SANBR: variants seen among roughly 807,000 people sequenced by gnomAD.
The protein encoded by SANBR is SANT and BTB domain regulator of CSR, also known as SANT and BTB domain regulator of class switch recombination.
A neutral mutation model predicts 101.8 loss-of-function variants in SANBR; 77 were observed. The ratio of observed to expected loss-of-function variants is 0.76; its 90% CI spans 0.63 to 0.91. SANBR has a LOEUF of 0.91. SANBR is among the 40% of genes least tolerant of loss of function. The probability of loss-of-function intolerance (pLI) is 0.00; values close to 1 mark genes in which losing one functional copy is unlikely to be tolerated. For synonymous variants in SANBR, 279 were observed against 274.7 expected (o/e 1.02, Z -0.15); for missense variants, 875 against 853.0 (o/e 1.03, Z -0.32).
At chr2:61,127,931 A>G (rs1330743580), downstream of SANBR, among the ~76,000 whole-genome samples, 3 of 152,304 alleles carry the variant, frequency 2.0e-5, no homozygotes, top group Non-Finnish European at 4.4e-5. Context: ...ACATTATAGT[A>G]AAAAATGTGC....
intron 12 of SANBR, among the ~76,000 whole-genome samples, chr2:61,098,749 T>C (rs1476835107): frequency 6.6e-6 from 1 of 152,232 alleles, no homozygotes; most frequent in African/African-American, 2.4e-5. Flanking sequence ...TAAAGCTCTT[T>C]ATCATCATCC....
chr2:61,075,124 C>T (rs1166542341), intron 5 of SANBR: 2 of 151,926 alleles, frequency 1.3e-5, no homozygotes, highest in African/African-American at 4.8e-5. Context: ...TTTTTTGTAT[C>T]AGGAATGTGT....
At chr2:61,071,943 G>T in intron 4 of SANBR, 151 bp downstream of exon 4, 1 of 580,676 alleles carries the variant, frequency 1.7e-6, no homozygotes, top group South Asian at 2.5e-5. Flanking sequence ...GAATTTTGTT[G>T]TTTTTTCTTT....
intron 20 of SANBR, among the ~76,000 whole-genome samples, chr2:61,118,566 G>GTTTTTTT (rs1175530888): frequency 1.0e-5 from 1 of 99,544 alleles, no homozygotes; most frequent in Non-Finnish European, 2.0e-5. Context: ...TTTTTTGTTG[G>GTTTTTTT]TTTTTTTTTT....
At chr2:61,088,868 A>C (rs1356220182) in intron 10 of SANBR, 2 of 962,386 alleles carry the variant, frequency 2.1e-6, no homozygotes, top group Non-Finnish European at 2.5e-6. Context: ...AAATATAACT[A>C]CTTTTATAAG....
rs577581241 is a variant in SANBR at position 61,098,390 on chromosome 2, C to T, written c.1365+538C>T. Among the ~76,000 whole-genome samples, 10 of 152,256 alleles carry T rather than the reference C, an allele frequency of 6.6e-5. No homozygotes were observed. The South Asian group carries it at 1.9e-3, about 28-fold the overall frequency. On this transcript the variant is annotated intron_variant, in intron 12 of 21. Transcript: ENST00000402291. ...GAGTGCCGGGATTACAGGTGTGAGC[C>T]ACCACACCCAGCCTTATATATGGCT... is the stretch of plus-strand genomic sequence containing the variant.
chr2:61,127,535 A>G (rs560359393), downstream of SANBR, among the ~76,000 whole-genome samples: 1 of 152,360 alleles, frequency 6.6e-6, no homozygotes, highest in African/African-American at 2.4e-5. Flanking sequence ...GAACACTTGG[A>G]TAAGTAACCA....
rs1684732911 is a variant in SANBR at position 61,132,982 on chromosome 2, T to TCCCTTTG, written c.2029-1155_2029-1154insCCCTTTG. 1.9e-4 allele frequency among the ~76,000 whole-genome samples: 29 copies of TCCCTTTG among 152,318 alleles called. No individual in the cohort carries two copies. In the South Asian group the frequency reaches 6.0e-3, roughly 32 times the overall value. ...ATTGTTAGGGACTGGCCAGGTGCAG[T>TCCCTTTG]GGCTCATGCCTGTAATCCCAGCACT... On this transcript the variant is annotated intron_variant, in intron 20 of 21. Coordinates refer to the SANBR transcript ENST00000295031.
intron 21 of SANBR, among the ~76,000 whole-genome samples, chr2:61,135,187 C>T (rs1035135862): frequency 5.3e-5 from 8 of 152,280 alleles, no homozygotes; most frequent in South Asian, 2.1e-4. Context: ...TTAATCATGG[C>T]ACTTTTATGT....
At chr2:61,096,617 T>A (rs533323085) in intron 11 of SANBR, among the ~76,000 whole-genome samples, 2 of 152,264 alleles carry the variant, frequency 1.3e-5, no homozygotes, top group East Asian at 3.9e-4. Flanking sequence ...TCTTGCTACA[T>A]TGCCCAGGCT....
In SANBR at chr2:61,088,515, A is replaced by G. The variant is rs768999242; in HGVS notation, c.1088+47A>G. 13 of 1,155,134 alleles carry G rather than the reference A, an allele frequency of 1.1e-5. No individual in the cohort carries two copies. In the Middle Eastern group the frequency reaches 8.2e-4, roughly 73 times the overall value. 71.6% of individuals were successfully genotyped at this position (1,155,134 alleles called of 1,614,324 possible). A position where few individuals can be genotyped will look rare whatever the true frequency, so the allele number is the denominator to read the frequency against. ...TACATGTATTTTTGTATATATATATATATAGTTGTTGTTGTTGTTTTGGAG... is the reference window on the plus strand; with the variant it reads ...TACATGTATTTTTGTATATATATATGTATAGTTGTTGTTGTTGTTTTGGAG... On this transcript the variant is annotated intron_variant, in intron 10 of 21. Coordinates refer to ENST00000402291, the MANE Select transcript of SANBR (RefSeq NM_001129993.3).
chr2:61,088,865 A>G (rs1450334441), intron 10 of SANBR: 2 of 964,218 alleles, frequency 2.1e-6, no homozygotes, highest in East Asian at 2.3e-4. Context: ...TAAAAATATA[A>G]CTACTTTTAT....
chr2:61,105,109 G>A (rs1021520775), intron 13 of SANBR, among the ~76,000 whole-genome samples: 12 of 144,506 alleles, frequency 8.3e-5, no homozygotes, highest in African/African-American at 2.6e-4. Flanking sequence ...AGCCAGGCGT[G>A]GTGGCTCACA....
At chr2:61,074,637 C>G (rs753091708) in intron 5 of SANBR, among the ~76,000 whole-genome samples, 2 of 152,140 alleles carry the variant, frequency 1.3e-5, no homozygotes, top group Non-Finnish European at 2.9e-5. Flanking sequence ...CTCCTGGCCT[C>G]AAGTGATCCT....
chr2:61,108,466 C>A, intron 15 of SANBR, 117 bp downstream of exon 15: 1 of 599,094 alleles, frequency 1.7e-6, no homozygotes, highest in South Asian at 2.6e-5. Flanking sequence ...GTACATCTTC[C>A]TTTTCAGATT....
chr2:61,121,337 A>AT, intron 21 of SANBR, 61 bp downstream of exon 21: 1 of 1,113,404 alleles, frequency 9.0e-7, no homozygotes, highest in East Asian at 2.6e-5. Context: ...TTTTTTTAAG[A>AT]TAAATCATAT....
At chr2:61,120,649 C>G (rs1684290676) in intron 20 of SANBR, among the ~76,000 whole-genome samples, 1 of 152,118 alleles carries the variant, frequency 6.6e-6, no homozygotes, top group African/African-American at 2.4e-5. Context: ...GAGGATCACC[C>G]AGGAGGTCAG....
intron 5 of SANBR, among the ~76,000 whole-genome samples, chr2:61,075,342 G>T (rs867904585): frequency 6.6e-6 from 1 of 152,234 alleles, no homozygotes; most frequent in African/African-American, 2.4e-5. Flanking sequence ...ACTGGAGCTT[G>T]ACCTCCCTGG....
intron 3 of SANBR, 26 bp from the exon 4 acceptor site, chr2:61,071,580 G>C: frequency 7.0e-7 from 1 of 1,431,398 alleles, no homozygotes; most frequent in Non-Finnish European, 9.3e-7. Flanking sequence ...CCAAACCTCT[G>C]TTTCTTTCAT....
Sources: allele counts gnomAD v4.1 joint callset (sites outside exome capture counted in the v4.1 genomes callset), GRCh38; gene constraint gnomAD v4.1.1; transcripts MANE v1.5; gene names NCBI Gene and HGNC (gene_info 2026-07-23, HGNC 2026-07-21).